Variants in SH3YL1 observed in about 807,000 individuals in gnomAD.
SH3YL1 encodes the protein SH3 and SYLF domain containing 1.
Under a neutral mutation model 45.8 loss-of-function variants are expected in SH3YL1, and 41 were observed. The ratio of observed to expected loss-of-function variants is 0.89; its 90% CI spans 0.70 to 1.16. The LOEUF (loss-of-function observed/expected upper bound fraction) is 1.16. Among genes scored for constraint, SH3YL1 ranks in the 50% most tolerant of loss-of-function variants. SH3YL1 has a pLI of 0.00. For synonymous variants in SH3YL1, 152 were observed against 151.4 expected, an observed-to-expected ratio of 1.00 and a Z score of -0.03; for missense variants, 389 against 409.6, an observed-to-expected ratio of 0.95 and a Z score of 0.43.
Position 218,975 on chromosome 2 carries a change from T to A in SH3YL1, c.865A>T (p.Thr289Ser), listed in dbSNP as rs1187530835. The A allele has an allele frequency of 6.2e-7, 1 of 1,612,986 alleles. No homozygotes were observed. The highest frequency in any genetic ancestry group is 1.1e-5 in the South Asian group (1 of 90,836). Residue 289 changes from threonine (T) to serine (S), a missense_variant, in exon 10 of 10, where the codon ACA (threonine) becomes TCA (serine). Thr to Ser is a moderately conservative substitution (Grantham distance 58). Coordinates refer to ENST00000356150, the MANE Select transcript of SH3YL1 (RefSeq NM_015677.4). ...TGTCCTTCAAATGAATACAGCGCTG[T>A]CACTTCTATGGGTTGATTCAAATTG... Reference protein sequence around the residue: ...VGNLNQPIEVTALYSFEGQQP... With the variant: ...VGNLNQPIEVSALYSFEGQQP...
Position 227,840 on chromosome 2 carries a change from C to G in SH3YL1, c.781+2126G>C, listed in dbSNP as rs560091308. 2.0e-5 allele frequency among the ~76,000 whole-genome samples: 3 copies of G among 152,070 alleles called. No homozygotes were observed. The East Asian group carries it at 5.8e-4, about 29-fold the overall frequency. ...ACAACAAAGGAAAAGAAAAAAAATACTGCCTTCACAGACCCTCCATATGAG... is the reference window on the plus strand; with the variant it reads ...ACAACAAAGGAAAAGAAAAAAAATAGTGCCTTCACAGACCCTCCATATGAG... On this transcript the variant is annotated intron_variant, in intron 8 of 9. Coordinates refer to ENST00000356150, the MANE Select transcript of SH3YL1 (RefSeq NM_015677.4).
intron 8 of SH3YL1, among the ~76,000 whole-genome samples, chr2:226,999 A>G (rs6742278): frequency 0.073 from 11,143 of 152,178 alleles, 509 homozygotes; most frequent in African/African-American, 0.12. Flanking sequence ...TATGGTGGGT[A>G]GCATACATGA....
At chr2:219,867 G>A (rs1022169995) in intron 9 of SH3YL1, among the ~76,000 whole-genome samples, 6 of 152,090 alleles carry the variant, frequency 3.9e-5, no homozygotes, top group Non-Finnish European at 8.8e-5. Context: ...CAATATCAGA[G>A]ATAAGTTGGA....
At chr2:228,647 A>G (rs888919685) in intron 8 of SH3YL1, among the ~76,000 whole-genome samples, 3 of 152,210 alleles carry the variant, frequency 2.0e-5, no homozygotes, top group African/African-American at 7.2e-5. Context: ...CACTGCAAAT[A>G]TGAGTTTCAG....
Position 263,743 on chromosome 2 carries a change from C to G in SH3YL1, c.1+241G>C. The G allele has an allele frequency of 1.1e-5, 5 of 467,672 alleles. No individual in the cohort carries two copies. In the South Asian group the frequency reaches 1.8e-4, roughly 16 times the overall value. 29.0% of individuals were successfully genotyped at this position (467,672 alleles called of 1,614,324 possible). On this transcript the variant is annotated intron_variant, in intron 1 of 9. Transcript: ENST00000356150. Reference sequence around the variant, plus strand: ...AATAACACGACCATCGTCATCATTCCAAACTTCGGAATAGCTTTTCTAAAA... The same window carrying G: ...AATAACACGACCATCGTCATCATTCGAAACTTCGGAATAGCTTTTCTAAAA...
intron 9 of SH3YL1, among the ~76,000 whole-genome samples, chr2:220,974 G>A (rs570918283): frequency 3.9e-5 from 6 of 152,248 alleles, no homozygotes; most frequent in Admixed American, 6.5e-5. Context: ...TAATAAGGAC[G>A]ACAACAATGA....
At chr2:247,014 T>C (rs1183186966) in intron 4 of SH3YL1, among the ~76,000 whole-genome samples, 2 of 152,152 alleles carry the variant, frequency 1.3e-5, no homozygotes, top group Non-Finnish European at 2.9e-5. Flanking sequence ...AGGATCCCCG[T>C]GTAGGAGGCC....
At chr2:253,715 T>C (rs1224120651) in intron 1 of SH3YL1, among the ~76,000 whole-genome samples, 2 of 152,184 alleles carry the variant, frequency 1.3e-5, no homozygotes, top group Non-Finnish European at 2.9e-5. Flanking sequence ...CCTTCTTTAT[T>C]CCTTTACTTT....
chr2:230,047 G>T lies in SH3YL1; in HGVS notation c.703-3C>A. 6.3e-7 allele frequency: 1 copy of T among 1,593,754 alleles called. No individual in the cohort carries two copies. The highest frequency in any genetic ancestry group is 8.5e-7 in the Non-Finnish European group (1 of 1,169,750). On this transcript the variant is annotated splice_polypyrimidine_tract_variant and splice_region_variant and intron_variant, in intron 7 of 9. Transcript: ENST00000356150. ...GGCTTTGGAGGTAATTCTTTAGCCT[G>T]GGAGAAACAAAAAGATAAATACACA...
At chr2:255,264 T>A (rs1279416731) in intron 1 of SH3YL1, among the ~76,000 whole-genome samples, 11 of 152,182 alleles carry the variant, frequency 7.2e-5, no homozygotes, top group Non-Finnish European at 1.6e-4. Context: ...ATATCTCCAA[T>A]AAAATGTGAT....
At chr2:226,709 T>G (rs191415969) in intron 8 of SH3YL1, among the ~76,000 whole-genome samples, 1 of 152,214 alleles carries the variant, frequency 6.6e-6, no homozygotes, top group Admixed American at 6.5e-5. Flanking sequence ...AGTGGGAATG[T>G]CTGGTGGGAA....
At chr2:264,255 T>A (rs1012865004), upstream of SH3YL1, 4 of 433,212 alleles carry the variant, frequency 9.2e-6, no homozygotes, top group Non-Finnish European at 1.2e-5. Flanking sequence ...AAGCACGGTG[T>A]TGGGGGTGGG....
At chr2:257,225 C>CTTTAGTTTAAGTAGGTCCCAT (rs1215512774) in intron 1 of SH3YL1, among the ~76,000 whole-genome samples, 1 of 152,080 alleles carries the variant, frequency 6.6e-6, no homozygotes, top group Non-Finnish European at 1.5e-5. Context: ...TTCAGAAGCT[C>CTTTAGTTTAAGTAGGTCCCAT]TTTAGTTTAA....
intron 1 of SH3YL1, chr2:263,149 A>C (rs191142243): frequency 1.9e-5 from 3 of 155,302 alleles, no homozygotes; most frequent in African/African-American, 4.8e-5. Flanking sequence ...CTCAATAAAA[A>C]CACCTAGGAG....
chr2:243,579 A>G, intron 4 of SH3YL1: 10 of 1,389,110 alleles, frequency 7.2e-6, no homozygotes, highest in Non-Finnish European at 9.8e-6. Flanking sequence ...AAAAAAAAAC[A>G]GACCTCGAGT....
chr2:258,723 G>A (rs954863384), intron 1 of SH3YL1, among the ~76,000 whole-genome samples: 2 of 152,076 alleles, frequency 1.3e-5, no homozygotes, highest in African/African-American at 4.8e-5. Context: ...GCTCTCTCCT[G>A]GGTGCCCTGG....
intron 9 of SH3YL1, among the ~76,000 whole-genome samples, chr2:219,834 T>G (rs1667498480): frequency 6.6e-6 from 1 of 152,150 alleles, no homozygotes. Context: ...TTTACATTTC[T>G]GTGCTTAATT....
At chr2:248,188 T>C (rs1393829935) in intron 3 of SH3YL1, among the ~76,000 whole-genome samples, 3 of 152,238 alleles carry the variant, frequency 2.0e-5, no homozygotes, top group South Asian at 2.1e-4. Context: ...CCATTTGCCA[T>C]GATACGGCAC....
chr2:232,747 T>C (rs1410542408), intron 6 of SH3YL1, among the ~76,000 whole-genome samples: 2 of 152,096 alleles, frequency 1.3e-5, no homozygotes, highest in Non-Finnish European at 2.9e-5. Context: ...CCAGCTATCT[T>C]AAAATGCGAA....
Sources: gnomAD v4.1 joint callset for allele counts (sites outside exome capture counted in the v4.1 genomes callset) on GRCh38, gnomAD v4.1.1 for gene constraint, MANE v1.5 for transcripts, NCBI Gene and HGNC (gene_info 2026-07-23, HGNC 2026-07-21) for gene names.